Variants in LCMT1 observed in about 807,000 individuals in gnomAD.
LCMT1 encodes the protein [Phosphatase 2A protein]-leucine-carboxy methyltransferase 1.
In LCMT1, 32 loss-of-function variants were observed where a neutral mutation model predicts 47.7. The observed-to-expected ratio is 0.67, with a 90% CI of 0.51 to 0.90. The LOEUF (loss-of-function observed/expected upper bound fraction) is 0.90. Among genes scored for constraint, LCMT1 ranks in the 40% least tolerant of loss-of-function variants. The probability of loss-of-function intolerance (pLI) is 0.00; values close to 1 mark genes in which losing one functional copy is unlikely to be tolerated. For missense variants in LCMT1, 375 were observed against 415.2 expected, an observed-to-expected ratio of 0.90 and a Z score of 0.84; for synonymous variants, 152 against 149.7, an observed-to-expected ratio of 1.02 and a Z score of -0.11.
At chr16:25,141,168 T>C (rs1037779579) in intron 4 of LCMT1, 53 of 152,170 alleles carry the variant, frequency 3.5e-4, no homozygotes, top group African/African-American at 1.3e-3. Flanking sequence ...GACACAAACT[T>C]TACCAAAAGG....
intron 8 of LCMT1, 71 bp downstream of exon 8, chr16:25,169,284 C>A: frequency 9.5e-7 from 1 of 1,050,866 alleles, no homozygotes; most frequent in Non-Finnish European, 1.5e-6. Context: ...TCTTTCTTTG[C>A]AGATGTGATC....
chr16:25,167,274 A>G (rs976557824), intron 7 of LCMT1, among the ~76,000 whole-genome samples: 3 of 152,030 alleles, frequency 2.0e-5, no homozygotes, highest in Non-Finnish European at 2.9e-5. Flanking sequence ...CAAACCATGT[A>G]TTAATTGCTC....
At chr16:25,143,073 A>G (rs1054522838) in intron 4 of LCMT1, 1 of 152,166 alleles carries the variant, frequency 6.6e-6, no homozygotes, top group African/African-American at 2.4e-5. Context: ...TAACTTGTAA[A>G]GGGGTTTTCC....
At chr16:25,135,284 A>AAT (rs779986194) in intron 3 of LCMT1, among the ~76,000 whole-genome samples, 15,610 of 140,416 alleles carry the variant, frequency 0.11, 911 homozygotes, top group African/African-American at 0.15. Flanking sequence ...TTTCTTTTAA[A>AAT]ATATATATCT....
At chr16:25,174,434 T>C (rs559741491) in intron 9 of LCMT1, among the ~76,000 whole-genome samples, 1 of 152,226 alleles carries the variant, frequency 6.6e-6, no homozygotes, top group South Asian at 2.1e-4. Context: ...CACTTTTTCT[T>C]TACATAGAGA....
At position 25,124,315 on chromosome 16, in the gene LCMT1, A is replaced by G. The variant is rs538444182; in HGVS notation, c.114-4160A>G. Among the ~76,000 whole-genome samples, 4 of 152,332 alleles carry G rather than the reference A, an allele frequency of 2.6e-5. No individual in the cohort carries two copies. The East Asian group carries it at 7.7e-4, about 29-fold the overall frequency. ...GTATACAGACAAACACACACACATC[A>G]TTTAAGCAACTCAGGTGTTATGAGG... is the stretch of plus-strand genomic sequence containing the variant. On this transcript the variant is annotated intron_variant, in intron 1 of 10. Coordinates refer to ENST00000399069, the MANE Select transcript of LCMT1 (RefSeq NM_016309.3).
chr16:25,112,142 C>A (rs1057509218), intron 1 of LCMT1, 146 bp downstream of exon 1: 1 of 705,406 alleles, frequency 1.4e-6, no homozygotes, highest in Non-Finnish European at 2.6e-6. Flanking sequence ...GTGAAGTGCA[C>A]GGAGCAGGGC....
intron 1 of LCMT1, 69 bp from the exon 2 acceptor site, chr16:25,128,406 C>A: frequency 8.7e-7 from 1 of 1,154,874 alleles, no homozygotes; most frequent in Non-Finnish European, 1.2e-6. Flanking sequence ...TTCCTGGGAA[C>A]TTGGCAGTGG....
At chr16:25,143,907 C>T (rs757627981) in intron 4 of LCMT1, 13 of 152,286 alleles carry the variant, frequency 8.5e-5, no homozygotes, top group Non-Finnish European at 1.3e-4. Flanking sequence ...AACCATCCAG[C>T]ACTGTTTTCC....
chr16:25,142,588 CAA>C (rs1415018945), intron 4 of LCMT1: 2 of 152,154 alleles, frequency 1.3e-5, no homozygotes, highest in African/African-American at 4.8e-5. Flanking sequence ...GAAAGGTTGT[CAA>C]GAGAGTTTGT....
chr16:25,113,855 C>T (rs1296754692), intron 1 of LCMT1, among the ~76,000 whole-genome samples: 2 of 152,182 alleles, frequency 1.3e-5, no homozygotes, highest in East Asian at 1.9e-4. Flanking sequence ...AGGCTAGTTT[C>T]GAACTCCTGA....
rs754657171 is a variant in LCMT1, at chr16:25,132,500, GA to G, written c.305del (p.Asp102ValfsTer7). The G allele has an allele frequency of 6.2e-7, 1 of 1,613,838 alleles. No individual in the cohort carries two copies. Among genetic ancestry groups the G allele is most frequent in the Non-Finnish European group, 8.5e-7 (1 of 1,179,822 alleles). The stretch of plus-strand genomic sequence containing the variant: ...AATTGTCAACCTTGGGGCAGGCATG[GA>G]TACCACCTTCTGGAGATTAAAGGTA... ...CQIVNLGAGM[D>X]TTFWRLKDED... On this transcript the variant is annotated frameshift_variant, in exon 3 of 11. Coordinates refer to ENST00000399069, the MANE Select transcript of LCMT1 (RefSeq NM_016309.3). LOFTEE classifies it high-confidence loss of function.
intron 5 of LCMT1, among the ~76,000 whole-genome samples, chr16:25,158,462 G>A (rs1433166777): frequency 6.6e-6 from 1 of 152,186 alleles, no homozygotes; most frequent in East Asian, 1.9e-4. Context: ...AGTTCTGTAA[G>A]TATCACACAA....
chr16:25,116,721 A>C (rs1319184973), intron 1 of LCMT1, among the ~76,000 whole-genome samples: 1 of 151,164 alleles, frequency 6.6e-6, no homozygotes, highest in African/African-American at 2.4e-5. Context: ...TCTCCACAAA[A>C]AAAAAAAAAA....
At position 25,112,113 on chromosome 16, in the gene LCMT1, C is replaced by A. The variant is rs928440313; in HGVS notation, c.113+117C>A. On this transcript the variant is annotated intron_variant, in intron 1 of 10. Coordinates refer to ENST00000399069, the MANE Select transcript of LCMT1 (RefSeq NM_016309.3). The stretch of plus-strand genomic sequence containing the variant: ...GCAGGGATGCAGCCCCCGCCTCGCA[C>A]GACCCTCGCTTCCCACCTGTGAAGT... 2.2e-5 allele frequency: 16 copies of A among 729,682 alleles called. No homozygotes were observed. In the African/African-American group the frequency reaches 2.6e-4, roughly 12 times the overall value. The allele number at this position is 729,682 out of a possible 1,614,324, so 45.2% of individuals were successfully genotyped here.
intron 1 of LCMT1, among the ~76,000 whole-genome samples, chr16:25,119,573 A>T (rs891241315): frequency 6.6e-6 from 1 of 152,134 alleles, no homozygotes; most frequent in African/African-American, 2.4e-5. Context: ...ACCGGGGCTT[A>T]TAAGGCTGAA....
chr16:25,130,050 C>T (rs1358308445), intron 2 of LCMT1, among the ~76,000 whole-genome samples: 1 of 152,110 alleles, frequency 6.6e-6, no homozygotes, highest in African/African-American at 2.4e-5. Context: ...CCTTAAGATT[C>T]TTCAACAGGG....
chr16:25,175,067 G>A (rs1232975697), intron 10 of LCMT1, 33 bp downstream of exon 10: 1 of 1,192,920 alleles, frequency 8.4e-7, no homozygotes, highest in Non-Finnish European at 1.2e-6. Flanking sequence ...CCTTGACCTG[G>A]AAATAGTGAA....
chr16:25,152,436 G>C (rs1961111972), intron 5 of LCMT1, among the ~76,000 whole-genome samples: 1 of 152,108 alleles, frequency 6.6e-6, no homozygotes, highest in Non-Finnish European at 1.5e-5. Flanking sequence ...TTAGTCTATA[G>C]TAGACTTTTG....
Sources: gnomAD v4.1 joint callset for allele counts (sites outside exome capture counted in the v4.1 genomes callset) on GRCh38, gnomAD v4.1.1 for gene constraint, MANE v1.5 for transcripts, NCBI Gene and HGNC (gene_info 2026-07-23, HGNC 2026-07-21) for gene names.